POU5F1: variants seen among roughly 807,000 people sequenced by gnomAD.
The protein encoded by POU5F1 is POU class 5 homeobox 1, also known as POU domain, class 5, transcription factor 1.
POU5F1 carries 6 observed loss-of-function variants against 38.3 expected under a neutral mutation model. The observed-to-expected ratio is 0.16, with a 90% CI of 0.09 to 0.31. POU5F1 has a LOEUF of 0.31. Among genes scored for constraint, POU5F1 ranks in the 10% least tolerant of loss-of-function variants. POU5F1 has a pLI of 1.00. For missense variants in POU5F1, 286 were observed against 462.6 expected, an observed-to-expected ratio of 0.62 and a Z score of 3.50; for synonymous variants, 147 against 194.9, an observed-to-expected ratio of 0.75 and a Z score of 2.05.
rs144901157 is a variant in POU5F1, at chr6:31,170,268, G to A, written c.353C>T (p.Thr118Ile). Residue 118 changes from threonine to isoleucine, a missense_variant, in exon 1 of 5, where the codon ACC becomes ATC. Physicochemically the swap from Thr to Ile is moderately conservative, Grantham distance 89. Around this residue, in one of 2 missense-constraint regions of POU5F1, gnomAD observed 176 missense variants for 184.8 expected, o/e 0.95. Coordinates refer to ENST00000259915, the MANE Select transcript of POU5F1 (RefSeq NM_002701.6). ...CTTCTCCAGCTTCACGGCACCAGGGGTGACGGTGCAGGGCTCCGGGGAGGC... is the reference window on the plus strand; with the variant it reads ...CTTCTCCAGCTTCACGGCACCAGGGATGACGGTGCAGGGCTCCGGGGAGGC... ...DGASPEPCTV[T>I]PGAVKLEKEK... 47 of 1,612,910 alleles carry A rather than the reference G, an allele frequency of 2.9e-5. No individual in the cohort carries two copies. In the African/African-American group the frequency reaches 6.1e-4, roughly 21 times the overall value.
chr6:31,169,457 T>A (rs911038887), intron 1 of POU5F1, among the ~76,000 whole-genome samples: 2 of 152,158 alleles, frequency 1.3e-5, no homozygotes, highest in African/African-American at 4.8e-5. Flanking sequence ...AGCAGCTCTA[T>A]ATTTGCAAAT....
At position 31,165,853 on chromosome 6, in the gene POU5F1, CT is replaced by C. The variant is rs1445779121; in HGVS notation, c.526+73del. The C allele has an allele frequency of 2.8e-5, 44 of 1,597,234 alleles. No homozygotes were observed. The highest frequency in any genetic ancestry group is 3.5e-5 in the Non-Finnish European group (41 of 1,169,994). On this transcript the variant is annotated intron_variant, in intron 2 of 4. Transcript: ENST00000259915. The surrounding 1 kb of genome is among the most constrained non-coding windows in gnomAD (Gnocchi z 6.5). ...CTTCATGGGTGAGGGTAGTCTGCCC[CT>C]GCCCCTCCCCACTAGGTTCAGGGAT... is the stretch of plus-strand genomic sequence containing the variant.
chr6:31,168,767 C>T (rs376342869), intron 1 of POU5F1, among the ~76,000 whole-genome samples: 2 of 152,064 alleles, frequency 1.3e-5, no homozygotes, highest in Non-Finnish European at 2.9e-5. Flanking sequence ...AGACAGAAAA[C>T]GCGGTAGTCA....
chr6:31,168,237 CCT>C (rs1491481586), intron 1 of POU5F1, among the ~76,000 whole-genome samples: 2 of 115,022 alleles, frequency 1.7e-5, no homozygotes, highest in African/African-American at 3.5e-5. Context: ...CCTAGCCTCA[CCT>C]TTTTTTTTTT....
intron 1 of POU5F1, 181 bp from the exon 2 acceptor site, chr6:31,166,228 C>T (rs1427955524): frequency 2.6e-6 from 4 of 1,551,342 alleles, no homozygotes; most frequent in Non-Finnish European, 2.6e-6. Context: ...GTCATTCACC[C>T]ATTCCCTGTT....
chr6:31,166,950 T>G (rs200340326), intron 1 of POU5F1: 1 of 872,856 alleles, frequency 1.1e-6, no homozygotes, highest in African/African-American at 1.9e-5. Flanking sequence ...ACTTACTCAT[T>G]TTTTAAATTG....
rs1230947193 is a variant in POU5F1, at chr6:31,164,729, G to A, written c.955C>T (p.His319Tyr). Reference sequence around the variant, plus strand: ...CTCCCATAGCCTGGGGTACCAAAATGGGGCCCTGGGGCCAGAGGAAAGGAC... The same window carrying A: ...CTCCCATAGCCTGGGGTACCAAAATAGGGCCCTGGGGCCAGAGGAAAGGAC... ...PVSFPLAPGP[H>Y]FGTPGYGSPH... Residue 319 changes from histidine to tyrosine, a missense_variant, in exon 5 of 5, where the codon CAT (histidine) becomes TAT (tyrosine). By Grantham distance (83) the His-to-Tyr change is moderately conservative. This residue lies in a region of POU5F1 where 110 missense variants were observed against 277.8 expected (regional missense o/e 0.40). Coordinates refer to ENST00000259915, the MANE Select transcript of POU5F1 (RefSeq NM_002701.6). 2 of 1,604,510 alleles carry A rather than the reference G, an allele frequency of 1.2e-6. No individual in the cohort carries two copies. The highest frequency in any genetic ancestry group is 1.7e-5 in the Admixed American group (1 of 58,200).
chr6:31,164,972 G>T, intron 4 of POU5F1, 105 bp from the exon 5 acceptor site: 8 of 1,552,304 alleles, frequency 5.2e-6, no homozygotes, highest in Non-Finnish European at 7.0e-6. Context: ...AGAGCAGTTA[G>T]AGGAGGACAT....
chr6:31,167,940 C>T (rs1175452276), intron 1 of POU5F1, among the ~76,000 whole-genome samples: 2 of 106,140 alleles, frequency 1.9e-5, no homozygotes, highest in Non-Finnish European at 3.8e-5. Flanking sequence ...GAAATGATCT[C>T]TCACCCTTTT....
Position 31,164,501 on chromosome 6 carries a change from A to T in POU5F1, c.*100T>A. ...TGTGTTCCCAATTCCTTCCTTAGTG[A>T]ATGAAGAACTTAATCCCAAAAACCC... On this transcript the variant is annotated 3_prime_UTR_variant, in exon 5 of 5. Transcript: ENST00000259915. 6.6e-7 allele frequency: 1 copy of T among 1,510,526 alleles called. No individual in the cohort carries two copies. The highest frequency in any genetic ancestry group is 2.0e-5 in the Admixed American group (1 of 50,400). The allele number at this position is 1,510,526 out of a possible 1,614,324, so 93.6% of individuals were successfully genotyped here. A position where few individuals can be genotyped will look rare whatever the true frequency, so the allele number is the denominator to read the frequency against.
In POU5F1 at chr6:31,170,553, C is replaced by A. The variant is rs979153284; in HGVS notation, c.68G>T (p.Gly23Val). The A allele has an allele frequency of 3.2e-6, 5 of 1,570,380 alleles. No individual in the cohort carries two copies. The highest frequency in any genetic ancestry group is 4.3e-6 in the Non-Finnish European group (5 of 1,158,570). The change falls in exon 1 of 5, where the codon GGG becomes GTG. Residue 23 changes from glycine to valine, a missense_variant. This residue lies in a region of POU5F1 where 176 missense variants were observed against 184.8 expected (regional missense o/e 0.95). Transcript: ENST00000259915. Reference protein sequence around the residue: ...PPPGGGGDGPGGPEPGWVDPR... With the variant: ...PPPGGGGDGPVGPEPGWVDPR... ...ATCAACCCAGCCCGGCTCCGGCCCC[C>A]CTGGCCCATCACCTCCACCACCTGG... is the stretch of plus-strand genomic sequence containing the variant.
chr6:31,170,647 G>C lies in POU5F1; in HGVS notation c.-27C>G, dbSNP rs781107051. On this transcript the variant is annotated 5_prime_UTR_variant, in exon 1 of 5. Coordinates refer to ENST00000259915, the MANE Select transcript of POU5F1 (RefSeq NM_002701.6). ...GGGAAGGAAGGCGCCCCAAGCCGGGGGCCTGGTGAAATGAGGGCTTGCGAA... is the reference window on the plus strand; with the variant it reads ...GGGAAGGAAGGCGCCCCAAGCCGGGCGCCTGGTGAAATGAGGGCTTGCGAA... 2.6e-5 allele frequency: 40 copies of C among 1,532,958 alleles called. No homozygotes were observed. The African/African-American group carries it at 5.4e-4, about 21-fold the overall frequency. The allele number at this position is 1,532,958 out of a possible 1,614,324, so 95.0% of individuals were successfully genotyped here.
intron 1 of POU5F1, chr6:31,166,670 A>T: frequency 2.6e-6 from 3 of 1,166,708 alleles, no homozygotes; most frequent in Non-Finnish European, 3.2e-6. Context: ...AAGAAAAAAA[A>T]AAAAGAAGAT....
At position 31,170,338 on chromosome 6, in the gene POU5F1, G is replaced by A; in HGVS notation, c.283C>T (p.Pro95Ser). The A allele has an allele frequency of 2.5e-6, 4 of 1,612,732 alleles. No individual in the cohort carries two copies. Among genetic ancestry groups the A allele is most frequent in the Non-Finnish European group, 3.4e-6 (4 of 1,179,830 alleles). Residue 95 changes from proline (P) to serine (S), a missense_variant, in exon 1 of 5, where the codon CCT (proline) becomes TCT (serine). Physicochemically the swap from Pro to Ser is moderately conservative, Grantham distance 74. Coordinates refer to ENST00000259915, the MANE Select transcript of POU5F1 (RefSeq NM_002701.6). ...ACCCCGACTCCTGCTTCGCCCTCAG[G>A]CTGAGAGGTCTCCAAGCCGCCTTGG... is the stretch of plus-strand genomic sequence containing the variant. ...VPQGGLETSQ[P>S]EGEAGVGVES...
At position 31,166,034 on chromosome 6, in the gene POU5F1, T is replaced by C. The variant is rs1288972831; in HGVS notation, c.419A>G (p.Lys140Arg). The C allele has an allele frequency of 6.2e-7, 1 of 1,614,074 alleles. No homozygotes were observed. The highest frequency in any genetic ancestry group is 8.5e-7 in the Non-Finnish European group (1 of 1,180,044). Residue 140 changes from lysine to arginine, a missense_variant, in exon 2 of 5, where the codon AAA becomes AGA. Transcript: ENST00000259915. ...TTGCTCGAGTTCTTTCTGCAGAGCT[T>C]TGATGTCCTGGGACTGGATTTTAAA... Reference protein sequence around the residue: ...EQNPEESQDIKALQKELEQFA... With the variant: ...EQNPEESQDIRALQKELEQFA...
chr6:31,165,898 G>T lies in POU5F1; in HGVS notation c.526+29C>A. 6.2e-7 allele frequency: 1 copy of T among 1,613,552 alleles called. No homozygotes were observed. The highest frequency in any genetic ancestry group is 1.3e-5 in the African/African-American group (1 of 75,006). On this transcript the variant is annotated intron_variant, in intron 2 of 4. Coordinates refer to ENST00000259915, the MANE Select transcript of POU5F1 (RefSeq NM_002701.6). This position sits in a 1 kb window ranked among gnomAD's most constrained non-coding sequence, Gnocchi z 6.5. The stretch of plus-strand genomic sequence containing the variant: ...CAGGGATACTCCTTAGAGGGGAGAT[G>T]CGGTCAGAATCTGCAGAGGGGAACC...
chr6:31,165,493 G>A lies in POU5F1; in HGVS notation c.657+78C>T. 1 of 1,607,286 alleles carries A rather than the reference G, an allele frequency of 6.2e-7. No homozygotes were observed. The highest frequency in any genetic ancestry group is 8.5e-7 in the Non-Finnish European group (1 of 1,177,174). ...AGAACCACTGCACCAAAGACGGAGA[G>A]CTACGAGCCAGTGATGGAAGCAATG... On this transcript the variant is annotated intron_variant, in intron 3 of 4. Coordinates refer to ENST00000259915, the MANE Select transcript of POU5F1 (RefSeq NM_002701.6). This position sits in a 1 kb window ranked among gnomAD's most constrained non-coding sequence, Gnocchi z 6.5.
intron 1 of POU5F1, among the ~76,000 whole-genome samples, chr6:31,167,362 C>T (rs1777344528): frequency 6.6e-6 from 1 of 151,250 alleles, no homozygotes; most frequent in Non-Finnish European, 1.5e-5. Context: ...CCCGTGCCGC[C>T]CCTTCTCCCA....
chr6:31,168,953 A>G (rs541022259), intron 1 of POU5F1, among the ~76,000 whole-genome samples: 1 of 152,292 alleles, frequency 6.6e-6, no homozygotes, highest in East Asian at 1.9e-4. Flanking sequence ...GCCTCAAGGA[A>G]GTGTTTCAAT....
Sources: allele counts gnomAD v4.1 joint callset (sites outside exome capture counted in the v4.1 genomes callset), GRCh38; gene constraint gnomAD v4.1.1; regional missense constraint gnomAD v4.1.1; non-coding constraint Gnocchi (gnomAD v3.1); transcripts MANE v1.5; gene names NCBI Gene and HGNC (gene_info 2026-07-23, HGNC 2026-07-21).